Variants in ITM2B observed in about 807,000 individuals in gnomAD.
ITM2B encodes ABri/ADan amyloid peptide.
In ITM2B, 11 loss-of-function variants were observed where a neutral mutation model predicts 27.8. The observed-to-expected ratio is 0.40, with a 90% CI of 0.25 to 0.66. ITM2B has a LOEUF of 0.66. ITM2B is among the 30% of genes least tolerant of loss of function. The pLI is 0.43. For missense variants in ITM2B, 296 were observed against 328.9 expected (o/e 0.90, Z 0.77); for synonymous variants, 114 against 114.3 (o/e 1.00, Z 0.02).
chr13:48,243,093 A>T (rs1951708648), intron 1 of ITM2B, among the ~76,000 whole-genome samples: 1 of 152,198 alleles, frequency 6.6e-6, no homozygotes, highest in African/African-American at 2.4e-5. Flanking sequence ...TACCATTAGC[A>T]TTAATTTAAG....
rs1461236387 is a variant in ITM2B at position 48,269,093 on chromosome 13, A to T, written c.*7869A>T. 6.6e-6 allele frequency: 1 copy of T among 152,192 alleles called. No individual in the cohort carries two copies. The highest frequency in any genetic ancestry group is 1.5e-5 in the Non-Finnish European group (1 of 68,036). The allele number at this position is 152,192 out of a possible 1,614,324, so 9.4% of individuals were successfully genotyped here. On this transcript the variant is annotated 3_prime_UTR_variant, in exon 6 of 6. Transcript: ENST00000647800. ...ATCAGATACAACATGTTCAAAGGCAAACTTGATTTTCCTCCCATGGTTTCC... is the reference window on the plus strand; with the variant it reads ...ATCAGATACAACATGTTCAAAGGCATACTTGATTTTCCTCCCATGGTTTCC...
rs144217555 is a variant in ITM2B at position 48,261,197 on chromosome 13, T to C, written c.774T>C (p.Phe258=). 426 of 1,612,182 alleles carry C rather than the reference T, an allele frequency of 2.6e-4. 1 individual carries two copies. The highest frequency in any genetic ancestry group is 3.3e-4 in the Middle Eastern group (2 of 6,044). ...CFAIRHFENK[F]AVETLICS is the part of the protein sequence containing the mutation. ...CAATTCGGCATTTTGAAAACAAATTTGCCGTGGAAACTTTAATTTGTTCTT... is the reference window on the plus strand; with the variant it reads ...CAATTCGGCATTTTGAAAACAAATTCGCCGTGGAAACTTTAATTTGTTCTT... Residue 258 remains phenylalanine (F), a synonymous_variant, in exon 6 of 6, where the codon TTT becomes TTC. Transcript: ENST00000647800.
intron 1 of ITM2B, among the ~76,000 whole-genome samples, chr13:48,244,149 T>C (rs1311710450): frequency 6.6e-6 from 1 of 152,214 alleles, no homozygotes; most frequent in Middle Eastern, 3.2e-3. Context: ...GATCATATAT[T>C]CAGAAGCACC....
chr13:48,261,006 T>C, intron 5 of ITM2B, 133 bp from the exon 6 acceptor site: 1 of 667,812 alleles, frequency 1.5e-6, no homozygotes, highest in Non-Finnish European at 2.6e-6. Context: ...AGTGTAAACA[T>C]TCAAACTGTA....
At chr13:48,248,062 A>G (rs1452654855) in intron 1 of ITM2B, among the ~76,000 whole-genome samples, 1 of 152,188 alleles carries the variant, frequency 6.6e-6, no homozygotes, top group Non-Finnish European at 1.5e-5. Flanking sequence ...TACCCCAGTG[A>G]AGAAGCTCTT....
rs1166274451 is a variant in ITM2B at position 48,255,230 on chromosome 13, AG to A, written c.247-946del. Reference sequence around the variant, plus strand: ...TCTTTATTGTGTGTGTAGTGTGTGTAGTGTGTGTGTGTGTGTGTGTGTGTGC... The same window carrying A: ...TCTTTATTGTGTGTGTAGTGTGTGTATGTGTGTGTGTGTGTGTGTGTGTGC... On this transcript the variant is annotated intron_variant, in intron 2 of 5. Transcript: ENST00000647800. Among the ~76,000 whole-genome samples, 6 of 149,704 alleles carry A rather than the reference AG, an allele frequency of 4.0e-5. No individual in the cohort carries two copies. In the East Asian group the frequency reaches 1.2e-3, roughly 30 times the overall value.
chr13:48,247,992 G>A (rs931582487), intron 1 of ITM2B, among the ~76,000 whole-genome samples: 1 of 151,888 alleles, frequency 6.6e-6, no homozygotes, highest in African/African-American at 2.4e-5. Context: ...CAGTTTTATT[G>A]CAGTAGAAGG....
chr13:48,235,102 A>G (rs952341657), intron 1 of ITM2B, among the ~76,000 whole-genome samples: 1 of 152,226 alleles, frequency 6.6e-6, no homozygotes, highest in African/African-American at 2.4e-5. Context: ...CGAGCATTGG[A>G]TGATGTCACT....
rs1050754319 is a variant in ITM2B at position 48,266,204 on chromosome 13, C to T, written c.*4980C>T. ...TTAAGAGAAAATCCTTTTTTCAAGC[C>T]CTAAAATCCTGCCCTCACTAGACTT... is the stretch of plus-strand genomic sequence containing the variant. On this transcript the variant is annotated 3_prime_UTR_variant, in exon 6 of 6. Transcript: ENST00000647800. 6.6e-6 allele frequency: 1 copy of T among 152,036 alleles called. No individual in the cohort carries two copies. The highest frequency in any genetic ancestry group is 1.5e-5 in the Non-Finnish European group (1 of 68,056). The allele number at this position is 152,036 out of a possible 1,614,324, so 9.4% of individuals were successfully genotyped here. A position where few individuals can be genotyped will look rare whatever the true frequency, so the allele number is the denominator to read the frequency against.
Position 48,266,595 on chromosome 13 carries a change from T to C in ITM2B, c.*5371T>C, listed in dbSNP as rs990223949. Reference sequence around the variant, plus strand: ...GAAAAAAAGGAAATACGGTATCTACTTCACTAAAACCAAAGGGGGTTTTTT... The same window carrying C: ...GAAAAAAAGGAAATACGGTATCTACCTCACTAAAACCAAAGGGGGTTTTTT... On this transcript the variant is annotated 3_prime_UTR_variant, in exon 6 of 6. Transcript: ENST00000647800. 2.0e-5 allele frequency: 3 copies of C among 152,160 alleles called. No individual in the cohort carries two copies. The highest frequency in any genetic ancestry group is 1.3e-4 in the Admixed American group (2 of 15,250). The allele number at this position is 152,160 out of a possible 1,614,324, so 9.4% of individuals were successfully genotyped here. A position where few individuals can be genotyped will look rare whatever the true frequency, so the allele number is the denominator to read the frequency against.
intron 1 of ITM2B, among the ~76,000 whole-genome samples, chr13:48,243,911 C>G (rs1489067055): frequency 6.6e-6 from 1 of 152,136 alleles, no homozygotes; most frequent in Non-Finnish European, 1.5e-5. Flanking sequence ...CCAAGTGTGA[C>G]ATGGTGTCTG....
rs1188525149 is a variant in ITM2B, at chr13:48,266,492, A to G, written c.*5268A>G. 1 of 152,186 alleles carries G rather than the reference A, an allele frequency of 6.6e-6. No individual in the cohort carries two copies. Among genetic ancestry groups the G allele is most frequent in the Admixed American group, 6.6e-5 (1 of 15,264 alleles). The allele number at this position is 152,186 out of a possible 1,614,324, so 9.4% of individuals were successfully genotyped here. On this transcript the variant is annotated 3_prime_UTR_variant, in exon 6 of 6. Coordinates refer to ENST00000647800, the MANE Select transcript of ITM2B (RefSeq NM_021999.5). ...TCTAGACTATTAGCAAAATGCTCAT[A>G]CTGTGTCCTCAGTATTTGGCACATA...
At chr13:48,242,536 G>C (rs1046611457) in intron 1 of ITM2B, among the ~76,000 whole-genome samples, 1 of 151,908 alleles carries the variant, frequency 6.6e-6, no homozygotes, top group African/African-American at 2.4e-5. Context: ...TCACATGCTA[G>C]ATCTACAGTT....
At chr13:48,234,101 A>G (rs764156685) in intron 1 of ITM2B, among the ~76,000 whole-genome samples, 13 of 152,258 alleles carry the variant, frequency 8.5e-5, no homozygotes, top group Admixed American at 3.9e-4. Context: ...TACCATTACT[A>G]GTAAAGGCCA....
chr13:48,233,559 G>A lies in ITM2B; in HGVS notation c.117+82G>A, dbSNP rs967066543. On this transcript the variant is annotated intron_variant, in intron 1 of 5. Coordinates refer to ENST00000647800, the MANE Select transcript of ITM2B (RefSeq NM_021999.5). The stretch of plus-strand genomic sequence containing the variant: ...GCGGACTGCAGCGGCAGTGCGCCCC[G>A]AGGTGGCGGGCGCGGGGCTCGCGCC... The A allele has an allele frequency of 4.3e-5, 38 of 888,682 alleles. No homozygotes were observed. The Admixed American group carries it at 1.4e-3, about 33-fold the overall frequency. The allele number at this position is 888,682 out of a possible 1,614,324, so 55.0% of individuals were successfully genotyped here. A position where few individuals can be genotyped will look rare whatever the true frequency, so the allele number is the denominator to read the frequency against.
chr13:48,263,290 G>A lies in ITM2B; in HGVS notation c.*2066G>A, dbSNP rs976567093. 1 of 152,084 alleles carries A rather than the reference G, an allele frequency of 6.6e-6. No individual in the cohort carries two copies. The highest frequency in any genetic ancestry group is 6.6e-5 in the Admixed American group (1 of 15,256). 9.4% of individuals were successfully genotyped at this position (152,084 alleles called of 1,614,324 possible). A position where few individuals can be genotyped will look rare whatever the true frequency, so the allele number is the denominator to read the frequency against. ...TACTATTCTGATAATTTCCTTTAGA[G>A]TCAATTGAGTAGAGAGTACCCCTCT... On this transcript the variant is annotated 3_prime_UTR_variant, in exon 6 of 6. Transcript: ENST00000647800.
rs1356075625 is a variant in ITM2B at position 48,267,449 on chromosome 13, C to T, written c.*6225C>T. On this transcript the variant is annotated 3_prime_UTR_variant, in exon 6 of 6. Transcript: ENST00000647800. The stretch of plus-strand genomic sequence containing the variant: ...GAGCCTGTGAAATTTGAGAATCCTT[C>T]ATGTCTCTGGAATGAGTCCCTAGAT... 6.6e-6 allele frequency: 1 copy of T among 152,216 alleles called. No individual in the cohort carries two copies. Among genetic ancestry groups the T allele is most frequent in the Non-Finnish European group, 1.5e-5 (1 of 68,040 alleles). 9.4% of individuals were successfully genotyped at this position (152,216 alleles called of 1,614,324 possible). A position where few individuals can be genotyped will look rare whatever the true frequency, so the allele number is the denominator to read the frequency against.
At chr13:48,244,994 A>C (rs1332167130) in intron 1 of ITM2B, among the ~76,000 whole-genome samples, 1 of 152,210 alleles carries the variant, frequency 6.6e-6, no homozygotes. Flanking sequence ...TTTACTCACC[A>C]ATATGAATTT....
chr13:48,244,385 T>TA (rs1351187220), intron 1 of ITM2B, among the ~76,000 whole-genome samples: 1 of 152,244 alleles, frequency 6.6e-6, no homozygotes, highest in Non-Finnish European at 1.5e-5. Flanking sequence ...ACTGAGTTTT[T>TA]ACTGCACATG....
Sources: gnomAD v4.1 joint callset for allele counts (sites outside exome capture counted in the v4.1 genomes callset) on GRCh38, gnomAD v4.1.1 for gene constraint, MANE v1.5 for transcripts, NCBI Gene and HGNC (gene_info 2026-07-23, HGNC 2026-07-21) for gene names.